EDNRB: variants seen among roughly 807,000 people sequenced by gnomAD.
EDNRB encodes the protein endothelin receptor type B, also known as Hirschsprung disease 2.
In EDNRB, 18 loss-of-function variants were observed where a neutral mutation model predicts 46.4. The ratio of observed to expected loss-of-function variants is 0.39; its 90% CI spans 0.27 to 0.57. The LOEUF (loss-of-function observed/expected upper bound fraction) is 0.57, where lower values mean the gene tolerates loss of function less well. EDNRB is among the 20% of genes least tolerant of loss of function. The probability of loss-of-function intolerance (pLI) is 0.61; values close to 1 mark genes in which losing one functional copy is unlikely to be tolerated. For missense variants in EDNRB, 434 were observed against 537.5 expected, an observed-to-expected ratio of 0.81 and a Z score of 1.90; for synonymous variants, 213 against 204.9, an observed-to-expected ratio of 1.04 and a Z score of -0.34.
At position 77,955,799 on chromosome 13, in the gene EDNRB, T is replaced by C. The variant is rs149681996; in HGVS notation, c.-52+19548A>G. 5.4e-3 allele frequency among the ~76,000 whole-genome samples: 815 copies of C among 152,188 alleles called. 6 individuals are homozygous for C. Among genetic ancestry groups the C allele is most frequent in the Non-Finnish European group, 7.0e-3 (478 of 67,982 alleles). On this transcript the variant is annotated intron_variant, in intron 1 of 7. Coordinates refer to the EDNRB transcript ENST00000646948. ...TTAAATTTAGGTGTGTGGAATTACT[T>C]TTGGGCTCTCTATTCTGTTCCATTG...
chr13:77,923,031 C>T (rs1280768607), upstream of EDNRB, among the ~76,000 whole-genome samples: 1 of 152,104 alleles, frequency 6.6e-6, no homozygotes, highest in African/African-American at 2.4e-5. Flanking sequence ...ACATTTGAAA[C>T]GTTATCAATG....
At chr13:77,965,155 T>C (rs1881545207) in intron 1 of EDNRB, among the ~76,000 whole-genome samples, 1 of 152,206 alleles carries the variant, frequency 6.6e-6, no homozygotes, top group Non-Finnish European at 1.5e-5. Context: ...TATATATTTT[T>C]AAAGTCCTCA....
At chr13:77,898,441 C>A (rs1878754176) in intron 6 of EDNRB, 107 bp from the exon 7 acceptor site, 2 of 1,503,428 alleles carry the variant, frequency 1.3e-6, no homozygotes, top group Non-Finnish European at 1.8e-6. Flanking sequence ...AGTTCTTGGG[C>A]CCTTTCTTTC....
In EDNRB at chr13:77,900,669, T is replaced by C. The variant is rs754237530; in HGVS notation, c.952-15A>G. 6 of 1,611,996 alleles carry C rather than the reference T, an allele frequency of 3.7e-6. No individual in the cohort carries two copies. Among genetic ancestry groups the C allele is most frequent in the Admixed American group, 3.3e-5 (2 of 59,780 alleles). ...ACTTCCCGTCTCTGAAATAAATCCA[T>C]AGTTTGACCCTTAAAAGATGGCTCA... is the stretch of plus-strand genomic sequence containing the variant. On this transcript the variant is annotated splice_polypyrimidine_tract_variant and intron_variant, in intron 4 of 6. Transcript: ENST00000646607.
chr13:77,953,512 C>G (rs1264913488), intron 1 of EDNRB, among the ~76,000 whole-genome samples: 2 of 152,070 alleles, frequency 1.3e-5, no homozygotes, highest in Non-Finnish European at 2.9e-5. Flanking sequence ...CCAGAATGAA[C>G]ATGGCATTTT....
At chr13:77,955,835 ATGTGTG>A (rs1469628882) in intron 1 of EDNRB, among the ~76,000 whole-genome samples, 1 of 147,688 alleles carries the variant, frequency 6.8e-6, no homozygotes, top group Non-Finnish European at 1.5e-5. Flanking sequence ...GGGTGTGTGT[ATGTGTG>A]TGTGTATCTA....
intron 1 of EDNRB, among the ~76,000 whole-genome samples, chr13:77,961,473 AACTC>A (rs1237098159): frequency 6.6e-6 from 1 of 152,210 alleles, no homozygotes; most frequent in Non-Finnish European, 1.5e-5. Context: ...AGGATTAAGA[AACTC>A]ACTCAAAACC....
intron 1 of EDNRB, among the ~76,000 whole-genome samples, chr13:77,936,000 T>TA (rs1880550949): frequency 6.6e-6 from 1 of 152,206 alleles, no homozygotes; most frequent in Non-Finnish European, 1.5e-5. Context: ...TTATAGGCTT[T>TA]AAAAGGCCAT....
chr13:77,933,655 A>G (rs1880467746), intron 1 of EDNRB, among the ~76,000 whole-genome samples: 1 of 152,210 alleles, frequency 6.6e-6, no homozygotes, highest in African/African-American at 2.4e-5. Flanking sequence ...TATATTAATA[A>G]GAAAAATAAA....
chr13:77,938,973 C>A (rs1880652510), intron 1 of EDNRB, among the ~76,000 whole-genome samples: 1 of 152,162 alleles, frequency 6.6e-6, no homozygotes, highest in South Asian at 2.1e-4. Flanking sequence ...AGTCACAGCA[C>A]CAAATTTCAT....
intron 1 of EDNRB, among the ~76,000 whole-genome samples, chr13:77,915,060 C>T (rs1879742813): frequency 1.3e-5 from 2 of 152,080 alleles, no homozygotes. Flanking sequence ...ATTTAAGCCT[C>T]TCATATTAGG....
chr13:77,973,657 A>T (rs774645553), intron 1 of EDNRB, among the ~76,000 whole-genome samples: 53 of 152,128 alleles, frequency 3.5e-4, no homozygotes, highest in Non-Finnish European at 6.8e-4. Flanking sequence ...TCTTCTATTA[A>T]AAGTATATTT....
In EDNRB at chr13:77,934,235, C is replaced by G. The variant is rs575011275; in HGVS notation, c.-51-15611G>C. 3.9e-5 allele frequency among the ~76,000 whole-genome samples: 6 copies of G among 152,246 alleles called. No individual in the cohort carries two copies. The East Asian group carries it at 9.6e-4, about 24-fold the overall frequency. The stretch of plus-strand genomic sequence containing the variant: ...AAATGGGCTGTACCTTGTAGCATTC[C>G]GAGGACAGGCCTGAATTCTGAGAAG... On this transcript the variant is annotated intron_variant, in intron 1 of 7. Coordinates refer to the EDNRB transcript ENST00000646948.
chr13:77,939,812 A>C (rs558212683), intron 1 of EDNRB: 1 of 152,186 alleles, frequency 6.6e-6, no homozygotes, highest in African/African-American at 2.4e-5. Flanking sequence ...CTTGGCCAAC[A>C]TGGTGAAACT....
intron 2 of EDNRB, 25 bp downstream of exon 2, chr13:77,903,470 A>G (rs1033028268): frequency 6.2e-7 from 1 of 1,610,920 alleles, no homozygotes. Flanking sequence ...TTCAGAATAT[A>G]CTTGGATTAA....
chr13:77,899,175 T>C (rs372585669), intron 6 of EDNRB, among the ~76,000 whole-genome samples: 2 of 151,916 alleles, frequency 1.3e-5, no homozygotes, highest in Admixed American at 6.6e-5. Context: ...AAGAATGTTA[T>C]AGGCTGCCTT....
At position 77,942,469 on chromosome 13, in the gene EDNRB, C is replaced by T. The variant is rs554292622; in HGVS notation, c.-51-23845G>A. On this transcript the variant is annotated intron_variant, in intron 1 of 7. Transcript: ENST00000646948. ...CCAAGAAACCTAAATCCAGAGCCCA[C>T]ACATTAGCCACTAGATTATACATAC... is the stretch of plus-strand genomic sequence containing the variant. Among the ~76,000 whole-genome samples, 13 of 152,258 alleles carry T rather than the reference C, an allele frequency of 8.5e-5. No homozygotes were observed. In the South Asian group the frequency reaches 1.7e-3, roughly 19 times the overall value.
intron 1 of EDNRB, among the ~76,000 whole-genome samples, chr13:77,961,037 C>T (rs1020386982): frequency 3.3e-5 from 5 of 152,232 alleles, no homozygotes; most frequent in Middle Eastern, 3.4e-3. Context: ...CACCCAGATA[C>T]ATAAAGCAAG....
chr13:77,940,439 T>G (rs538434222), intron 1 of EDNRB, among the ~76,000 whole-genome samples: 2 of 152,180 alleles, frequency 1.3e-5, no homozygotes, highest in African/African-American at 4.8e-5. Flanking sequence ...AATACCTTCA[T>G]AAAATTTTGA....
Sources: allele counts gnomAD v4.1 joint callset (sites outside exome capture counted in the v4.1 genomes callset), GRCh38; gene constraint gnomAD v4.1.1; transcripts MANE v1.5; gene names NCBI Gene and HGNC (gene_info 2026-07-23, HGNC 2026-07-21).